BCAR3: variants seen among roughly 807,000 people sequenced by gnomAD.
BCAR3 encodes BCAR3 adaptor protein, NSP family member.
Under a neutral mutation model 80.1 loss-of-function variants are expected in BCAR3, and 37 were observed. The observed-to-expected ratio is 0.46, with a 90% CI of 0.36 to 0.61. The LOEUF (loss-of-function observed/expected upper bound fraction) is 0.61. BCAR3 is among the 20% of genes least tolerant of loss of function. The probability of loss-of-function intolerance (pLI) is 0.00; values close to 1 mark genes in which losing one functional copy is unlikely to be tolerated. For synonymous variants in BCAR3, 389 were observed against 418.9 expected (o/e 0.93, Z 0.87); for missense variants, 978 against 1,068.2 (o/e 0.92, Z 1.18).
intron 3 of BCAR3, among the ~76,000 whole-genome samples, chr1:93,610,115 G>A (rs949947959): frequency 7.2e-5 from 11 of 152,220 alleles, no homozygotes; most frequent in Non-Finnish European, 1.5e-4. Context: ...CGACACATCC[G>A]AGGTACCACA....
intron 2 of BCAR3, among the ~76,000 whole-genome samples, chr1:93,841,334 A>G (rs1654952997): frequency 2.0e-5 from 3 of 152,250 alleles, no homozygotes. Flanking sequence ...AAAGGGTCCC[A>G]AGAGACTTGT....
intron 7 of BCAR3, among the ~76,000 whole-genome samples, chr1:93,576,837 C>G (rs1225836298): frequency 1.3e-5 from 2 of 152,186 alleles, no homozygotes; most frequent in African/African-American, 4.8e-5. Context: ...AGAAGTGTTA[C>G]AACTGAGCCA....
At chr1:93,758,068 G>A (rs1293908769) in intron 2 of BCAR3, among the ~76,000 whole-genome samples, 2 of 152,172 alleles carry the variant, frequency 1.3e-5, no homozygotes, top group African/African-American at 4.8e-5. Flanking sequence ...TGTGCCTGGG[G>A]CATGTAACTT....
At chr1:93,651,587 C>G (rs1353299060) in intron 2 of BCAR3, among the ~76,000 whole-genome samples, 3 of 152,152 alleles carry the variant, frequency 2.0e-5, no homozygotes, top group African/African-American at 7.2e-5. Context: ...GGAGACTCAG[C>G]TAGGAAGAGG....
intron 2 of BCAR3, among the ~76,000 whole-genome samples, chr1:93,720,885 T>C (rs1375955697): frequency 6.6e-6 from 1 of 151,496 alleles, no homozygotes; most frequent in East Asian, 1.9e-4. Flanking sequence ...TCCCAGGCCC[T>C]GCGCTCTCAT....
chr1:93,830,200 T>C (rs775213924), intron 2 of BCAR3, among the ~76,000 whole-genome samples: 14 of 152,298 alleles, frequency 9.2e-5, no homozygotes, highest in Non-Finnish European at 1.6e-4. Flanking sequence ...TGGTGGCTCA[T>C]GCCTGTAAAC....
intron 2 of BCAR3, among the ~76,000 whole-genome samples, chr1:93,726,434 CA>C (rs1437936838): frequency 6.6e-6 from 1 of 151,808 alleles, no homozygotes; most frequent in Admixed American, 6.6e-5. Context: ...TCATGTGTCT[CA>C]AAAAAAATTC....
chr1:93,574,711 A>G (rs1673376164), intron 8 of BCAR3, among the ~76,000 whole-genome samples: 1 of 152,200 alleles, frequency 6.6e-6, no homozygotes, highest in South Asian at 2.1e-4. Flanking sequence ...GATAGAACGA[A>G]GCTAGTGGAG....
chr1:93,660,603 G>A (rs2101930209), intron 2 of BCAR3, among the ~76,000 whole-genome samples: 1 of 152,352 alleles, frequency 6.6e-6, no homozygotes, highest in Admixed American at 6.5e-5. Flanking sequence ...ATTTACTGAT[G>A]TTGGGAATCA....
chr1:93,790,634 A>ATTTTTTTTTTTTTTTTTGTTTTT (rs67196746), intron 2 of BCAR3, among the ~76,000 whole-genome samples: 1 of 107,426 alleles, frequency 9.3e-6, no homozygotes. Context: ...TTTTGTATTC[A>ATTTTTTTTTTTTTTTTTGTTTTT]TTTTTTTTTT....
intron 3 of BCAR3, among the ~76,000 whole-genome samples, chr1:93,702,631 C>T (rs961443439): frequency 6.6e-6 from 1 of 152,190 alleles, no homozygotes; most frequent in African/African-American, 2.4e-5. Context: ...CTCTCAGAGG[C>T]AGACATGAAG....
intron 2 of BCAR3, among the ~76,000 whole-genome samples, chr1:93,720,886 G>GA (rs1650370633): frequency 6.6e-6 from 1 of 151,628 alleles, no homozygotes; most frequent in South Asian, 2.1e-4. Context: ...CCCAGGCCCT[G>GA]CGCTCTCATG....
intron 2 of BCAR3, among the ~76,000 whole-genome samples, chr1:93,796,532 CA>C (rs1653277112): frequency 6.0e-5 from 9 of 150,816 alleles, no homozygotes; most frequent in Non-Finnish European, 1.2e-4. Context: ...GGTGCGCGCA[CA>C]CACTGGCCTG....
chr1:93,688,179 C>T (rs541215044), intron 3 of BCAR3, among the ~76,000 whole-genome samples: 3 of 152,188 alleles, frequency 2.0e-5, no homozygotes, highest in Admixed American at 6.5e-5. Context: ...CTTACTATCA[C>T]GTTGGCCAGA....
intron 2 of BCAR3, among the ~76,000 whole-genome samples, chr1:93,816,469 G>A (rs1654019044): frequency 6.6e-6 from 1 of 151,772 alleles, no homozygotes; most frequent in Non-Finnish European, 1.5e-5. Context: ...TCAGGAGTTC[G>A]AGACTAGCCT....
At chr1:93,647,300 T>C (rs895107915) in intron 2 of BCAR3, among the ~76,000 whole-genome samples, 2 of 152,204 alleles carry the variant, frequency 1.3e-5, no homozygotes, top group African/African-American at 4.8e-5. Context: ...AGAAGCCTAA[T>C]CAAATTTGCT....
At chr1:93,756,187 T>G (rs527449639) in intron 2 of BCAR3, among the ~76,000 whole-genome samples, 13 of 152,338 alleles carry the variant, frequency 8.5e-5, no homozygotes, top group African/African-American at 2.9e-4. Flanking sequence ...TTTAATTGCA[T>G]GCAGTGGTCT....
chr1:93,577,853 G>A (rs1370525929), intron 7 of BCAR3, among the ~76,000 whole-genome samples: 1 of 152,016 alleles, frequency 6.6e-6, no homozygotes, highest in Non-Finnish European at 1.5e-5. Context: ...GATGGGCGGC[G>A]GCCCCTGCTC....
In BCAR3 at chr1:93,695,483, A is replaced by G. The variant is rs547437041; in HGVS notation, c.-12+10609T>C. ...ACCCACCCAGTATGTTCTTGCTGCC[A>G]TCCATCCCATTCCCATCCCACTCTA... On this transcript the variant is annotated intron_variant, in intron 3 of 13. Coordinates refer to the BCAR3 transcript ENST00000370244. Among the ~76,000 whole-genome samples, 333 of 152,160 alleles carry G rather than the reference A, an allele frequency of 2.2e-3. 1 individual carries two copies. The highest frequency in any genetic ancestry group is 3.2e-3 in the Non-Finnish European group (215 of 67,994).
Sources: allele counts gnomAD v4.1 joint callset (sites outside exome capture counted in the v4.1 genomes callset), GRCh38; gene constraint gnomAD v4.1.1; transcripts MANE v1.5; gene names NCBI Gene and HGNC (gene_info 2026-07-23, HGNC 2026-07-21).